Variants in PIAS3 observed in about 807,000 individuals in gnomAD.
The protein encoded by PIAS3 is protein inhibitor of activated STAT 3.
Under a neutral mutation model 67.6 loss-of-function variants are expected in PIAS3, and 34 were observed. The ratio of observed to expected loss-of-function variants is 0.50; its 90% CI spans 0.38 to 0.67. The LOEUF is 0.67. Among genes scored for constraint, PIAS3 ranks in the 30% least tolerant of loss-of-function variants. The probability of loss-of-function intolerance (pLI) is 0.00; values close to 1 mark genes in which losing one functional copy is unlikely to be tolerated. For synonymous variants in PIAS3, 341 were observed against 313.8 expected (o/e 1.09, Z -0.92); for missense variants, 693 against 791.6 (o/e 0.88, Z 1.49).
Position 145,849,478 on chromosome 1 carries a change from C to T in PIAS3, c.1855G>A (p.Gly619Ser), listed in dbSNP as rs1230934712. 1 of 1,511,782 alleles carries T rather than the reference C, an allele frequency of 6.6e-7. No individual in the cohort carries two copies. The highest frequency in any genetic ancestry group is 1.4e-5 in the African/African-American group (1 of 70,984). 93.6% of individuals were successfully genotyped at this position (1,511,782 alleles called of 1,614,324 possible). A position where few individuals can be genotyped will look rare whatever the true frequency, so the allele number is the denominator to read the frequency against. Residue 619 changes from glycine to serine, a missense_variant, in exon 14 of 14, where the codon GGC becomes AGC. This residue lies in a region of PIAS3 where 270 missense variants were observed against 261.0 expected (regional missense o/e 1.03). Coordinates refer to ENST00000393045, the MANE Select transcript of PIAS3 (RefSeq NM_006099.3). The stretch of plus-strand genomic sequence containing the variant: ...AGGGAAATGATGTCTGACCGACAGC[C>T]AGTCAAAGAGGGACCTGAGGGCAGG... ...GPLPSGPSLTGCRSDIISLD is the reference protein window; with the variant it reads ...GPLPSGPSLTSCRSDIISLD
chr1:145,850,780 C>T lies in PIAS3; in HGVS notation c.1439G>A (p.Gly480Glu). 6.2e-7 allele frequency: 1 copy of T among 1,614,156 alleles called. No homozygotes were observed. The highest frequency in any genetic ancestry group is 1.1e-5 in the South Asian group (1 of 91,086). ...VTSAAIPALP[G>E]SKGVLTSGHQ... The stretch of plus-strand genomic sequence containing the variant: ...GCCTATTTTCTCATACCCTTTGCTT[C>T]CAGGTAGGGCCGGGATGGCAGCTGA... The change falls in exon 11 of 14, where the codon GGA becomes GAA. Residue 480 changes from glycine to glutamate, a missense_variant. Physicochemically the swap from Gly to Glu is moderately conservative, Grantham distance 98 (BLOSUM62 -2). This residue lies in a region of PIAS3 where 270 missense variants were observed against 261.0 expected (regional missense o/e 1.03). Coordinates refer to ENST00000393045, the MANE Select transcript of PIAS3 (RefSeq NM_006099.3).
chr1:145,858,227 T>C (rs1380950715), intron 1 of PIAS3, among the ~76,000 whole-genome samples: 1 of 152,132 alleles, frequency 6.6e-6, no homozygotes, highest in Non-Finnish European at 1.5e-5. Flanking sequence ...GGACCCCTTT[T>C]ATGGAATGTG....
chr1:145,853,475 C>G lies in PIAS3; in HGVS notation c.1145+29G>C, dbSNP rs1553734788. 2.0e-6 allele frequency: 3 copies of G among 1,534,738 alleles called. No individual in the cohort carries two copies. The African/African-American group carries it at 4.2e-5, about 21-fold the overall frequency. On this transcript the variant is annotated intron_variant, in intron 9 of 13. Coordinates refer to ENST00000393045, the MANE Select transcript of PIAS3 (RefSeq NM_006099.3). ...AAGAAAAGAGGTTCTAGTGGATGTCCTAGGTAAGAGGAAGCAAAATGGCCC... is the reference window on the plus strand; with the variant it reads ...AAGAAAAGAGGTTCTAGTGGATGTCGTAGGTAAGAGGAAGCAAAATGGCCC...
At chr1:145,852,208 T>C (rs1410287658) in intron 9 of PIAS3, among the ~76,000 whole-genome samples, 2 of 152,116 alleles carry the variant, frequency 1.3e-5, no homozygotes, top group African/African-American at 4.8e-5. Context: ...CAGTGAGCTA[T>C]GATTGTGCTA....
intron 2 of PIAS3, 70 bp from the exon 3 acceptor site, chr1:145,856,501 G>T: frequency 6.3e-7 from 1 of 1,598,502 alleles, no homozygotes; most frequent in Non-Finnish European, 8.6e-7. Flanking sequence ...CCCATCCCAG[G>T]TCACTGATCC....
chr1:145,851,267 A>T (rs1489093911), intron 9 of PIAS3, 114 bp from the exon 10 acceptor site: 2 of 1,108,196 alleles, frequency 1.8e-6, no homozygotes, highest in Non-Finnish European at 2.7e-6. Flanking sequence ...AAATAAGAAC[A>T]TTATCCATCC....
intron 1 of PIAS3, 79 bp from the exon 2 acceptor site, chr1:145,857,085 G>A (rs1373051823): frequency 1.6e-6 from 2 of 1,285,272 alleles, no homozygotes; most frequent in Non-Finnish European, 2.2e-6. Context: ...GAGCTACCAG[G>A]TGGGCAGTGC....
chr1:145,854,280 G>C, intron 7 of PIAS3, 178 bp downstream of exon 7: 2 of 612,198 alleles, frequency 3.3e-6, no homozygotes, highest in Non-Finnish European at 5.8e-6. Flanking sequence ...CCTGGGAGTG[G>C]TCCAACTTCA....
rs782542430 is a variant in PIAS3, at chr1:145,856,725, G to A, written c.306C>T (p.Ala102=). The part of the protein sequence containing the change: ...PLAPIPPTLL[A]PGTLLGPKRE... ...GCTTGGGGCCCAGCAGGGTGCCAGG[G>A]GCCAACAGCGTTGGGGGAATGGGAG... is the stretch of plus-strand genomic sequence containing the variant. The change falls in exon 2 of 14, where the codon GCC becomes GCT. Residue 102 remains alanine, a synonymous_variant. Coordinates refer to ENST00000393045, the MANE Select transcript of PIAS3 (RefSeq NM_006099.3). 3.1e-6 allele frequency: 5 copies of A among 1,613,812 alleles called. No individual in the cohort carries two copies. The highest frequency in any genetic ancestry group is 1.7e-4 in the Middle Eastern group (1 of 6,060).
At chr1:145,854,380 G>T in intron 7 of PIAS3, 78 bp downstream of exon 7, 2 of 983,326 alleles carry the variant, frequency 2.0e-6, no homozygotes, top group Non-Finnish European at 3.2e-6. Flanking sequence ...AAGAGGTATG[G>T]GTTTAATTAT....
At chr1:145,853,046 G>T (rs1382867661) in intron 9 of PIAS3, among the ~76,000 whole-genome samples, 8 of 152,080 alleles carry the variant, frequency 5.3e-5, no homozygotes, top group African/African-American at 1.9e-4. Context: ...GGTGAGAATT[G>T]CAGTTCATGT....
chr1:145,853,871 G>A lies in PIAS3; in HGVS notation c.926C>T (p.Thr309Ile). 6.2e-7 allele frequency: 1 copy of A among 1,614,028 alleles called. No individual in the cohort carries two copies. Among genetic ancestry groups the A allele is most frequent in the Non-Finnish European group, 8.5e-7 (1 of 1,180,008 alleles). ...GGCCACCTCACTGTCAGGGTCAGCA[G>A]TCAATTTCTCCTTGACTGAAACAAA... is the stretch of plus-strand genomic sequence containing the variant. Reference protein sequence around the residue: ...HSRALIKEKLTADPDSEVATT... With the variant: ...HSRALIKEKLIADPDSEVATT... Residue 309 changes from threonine (T) to isoleucine (I), a missense_variant, in exon 8 of 14, where the codon ACT (threonine) becomes ATT (isoleucine). By Grantham distance (89) the Thr-to-Ile change is moderately conservative. Around this residue, in one of 3 missense-constraint regions of PIAS3, gnomAD observed 115 missense variants for 181.8 expected, o/e 0.63. Coordinates refer to ENST00000393045, the MANE Select transcript of PIAS3 (RefSeq NM_006099.3).
chr1:145,851,814 G>A (rs1478718184), intron 9 of PIAS3, among the ~76,000 whole-genome samples: 4 of 152,030 alleles, frequency 2.6e-5, no homozygotes, highest in African/African-American at 4.8e-5. Flanking sequence ...TTAGCCGGAT[G>A]TGGCGGCACA....
chr1:145,852,540 G>A (rs1553734602), intron 9 of PIAS3, among the ~76,000 whole-genome samples: 1 of 151,802 alleles, frequency 6.6e-6, no homozygotes, highest in African/African-American at 2.4e-5. Context: ...TATCTCATAG[G>A]GTTTTTTTTT....
chr1:145,857,000 C>A lies in PIAS3; in HGVS notation c.31G>T (p.Val11Leu). Residue 11 changes from valine (V) to leucine (L), a missense_variant, in exon 2 of 14, where the codon GTG becomes TTG. This residue lies in a region of PIAS3 where 308 missense variants were observed against 348.8 expected (regional missense o/e 0.88). Coordinates refer to ENST00000393045, the MANE Select transcript of PIAS3 (RefSeq NM_006099.3). ...AGCTCAGACACCCGGAAACTCATCACCATGTGCTGTGGAGAAAAACAGAGA... is the reference window on the plus strand; with the variant it reads ...AGCTCAGACACCCGGAAACTCATCAACATGTGCTGTGGAGAAAAACAGAGA... MAELGELKHM[V>L]MSFRVSELQV... The A allele has an allele frequency of 6.2e-7, 1 of 1,613,678 alleles. No individual in the cohort carries two copies. The highest frequency in any genetic ancestry group is 1.7e-5 in the Admixed American group (1 of 59,954).
At chr1:145,850,680 C>T in intron 11 of PIAS3, 91 bp downstream of exon 11, 1 of 1,595,814 alleles carries the variant, frequency 6.3e-7, no homozygotes, top group Non-Finnish European at 8.6e-7. Flanking sequence ...CTCCACATTT[C>T]TCTTGCCCCA....
At chr1:145,853,975 TGA>T in intron 7 of PIAS3, 89 bp from the exon 8 acceptor site, 1 of 1,145,802 alleles carries the variant, frequency 8.7e-7, no homozygotes, top group South Asian at 1.3e-5. Flanking sequence ...TGGCTCTGGC[TGA>T]GAGGCTGCTG....
At chr1:145,857,871 G>A (rs1483900399) in intron 1 of PIAS3, among the ~76,000 whole-genome samples, 3 of 152,142 alleles carry the variant, frequency 2.0e-5, no homozygotes, top group African/African-American at 4.8e-5. Context: ...AAGAGGAGAG[G>A]GCAGAGCTCT....
intron 8 of PIAS3, 37 bp downstream of exon 8, chr1:145,853,776 C>A (rs1371572251): frequency 6.2e-7 from 1 of 1,609,976 alleles, no homozygotes; most frequent in Non-Finnish European, 8.5e-7. Context: ...AAACCCAACT[C>A]CCTTCCCACC....
Sources: allele counts gnomAD v4.1 joint callset (sites outside exome capture counted in the v4.1 genomes callset), GRCh38; gene constraint gnomAD v4.1.1; regional missense constraint gnomAD v4.1.1; transcripts MANE v1.5; gene names NCBI Gene and HGNC (gene_info 2026-07-23, HGNC 2026-07-21).